Variants in CALHM2 observed in about 807,000 individuals in gnomAD.
CALHM2 encodes the protein calcium homeostasis modulator protein 2.
CALHM2 carries 18 observed loss-of-function variants against 20.4 expected under a neutral mutation model. That is an observed-to-expected ratio of 0.88 (90% CI 0.61 to 1.31). The LOEUF is 1.31. Among genes scored for constraint, CALHM2 ranks in the 50% most tolerant of loss-of-function variants. The pLI is 0.00. For synonymous variants in CALHM2, 193 were observed against 192.1 expected, an observed-to-expected ratio of 1.00 and a Z score of -0.04; for missense variants, 411 against 435.7, an observed-to-expected ratio of 0.94 and a Z score of 0.50.
chr10:103,449,720 G>A lies in CALHM2; in HGVS notation c.222C>T (p.Ile74=). 1 of 1,613,724 alleles carries A rather than the reference G, an allele frequency of 6.2e-7. No homozygotes were observed. Among genetic ancestry groups the A allele is most frequent in the Non-Finnish European group, 8.5e-7 (1 of 1,180,038 alleles). The change falls in exon 3 of 4, where the codon ATC becomes ATT. Residue 74 remains isoleucine, a synonymous_variant. Transcript: ENST00000260743. ...PALVLFIIGI[I]LNNHTWNLVA... is the part of the protein sequence containing the mutation. The stretch of plus-strand genomic sequence containing the variant: ...CGAGGTTCCAGGTGTGGTTGTTGAG[G>A]ATGATGCCAATGATGAAGAGCACCA...
Position 103,449,553 on chromosome 10 carries a change from C to T in CALHM2, c.389G>A (p.Cys130Tyr), listed in dbSNP as rs772905151. 1.6e-5 allele frequency: 26 copies of T among 1,613,700 alleles called. No homozygotes were observed. The East Asian group carries it at 2.9e-4, about 18-fold the overall frequency. Residue 130 changes from cysteine (C) to tyrosine (Y), a missense_variant, in exon 3 of 4, where the codon TGT (cysteine) becomes TAT (tyrosine). Transcript: ENST00000260743. ...AGGGTCCACGAACTCACTGAGAGCA[C>T]AGACATAAGCCTCACCACGCAGCAG... ...ISLLRGEAYV[C>Y]ALSEFVDPSS...
Position 103,447,423 on chromosome 10 carries a change from G to A in CALHM2, c.701C>T (p.Thr234Met), listed in dbSNP as rs759950369. The A allele has an allele frequency of 2.2e-5, 35 of 1,614,062 alleles. No homozygotes were observed. Among genetic ancestry groups the A allele is most frequent in the Admixed American group, 3.3e-5 (2 of 60,010 alleles). The change falls in exon 4 of 4, where the codon ACG (threonine) becomes ATG (methionine). Residue 234 changes from threonine to methionine, a missense_variant. Coordinates refer to ENST00000260743, the MANE Select transcript of CALHM2 (RefSeq NM_015916.5). ...GAGCACCCGAGAGTGCACCTCGGCC[G>A]TGCGCTGGAACAGCTGGTCCTCATT... ...RANEDQLFQRTAEVHSRVLAA... is the reference protein window; with the variant it reads ...RANEDQLFQRMAEVHSRVLAA...
Position 103,450,015 on chromosome 10 carries a change from T to G in CALHM2, c.-74A>C. 7.2e-7 allele frequency: 1 copy of G among 1,394,748 alleles called. No individual in the cohort carries two copies. Among genetic ancestry groups the G allele is most frequent in the South Asian group, 1.3e-5 (1 of 78,944 alleles). The allele number at this position is 1,394,748 out of a possible 1,614,324, so 86.4% of individuals were successfully genotyped here. On this transcript the variant is annotated 5_prime_UTR_variant, in exon 3 of 4. Coordinates refer to ENST00000260743, the MANE Select transcript of CALHM2 (RefSeq NM_015916.5). The stretch of plus-strand genomic sequence containing the variant: ...CGGGATTGATGGTTGCTGGTGGTAC[T>G]AGGAAGGGGCACAGGCTGGGAGGCG...
Position 103,449,695 on chromosome 10 carries a change from C to A in CALHM2, c.247G>T (p.Val83Leu), listed in dbSNP as rs542135779. The change falls in exon 3 of 4, where the codon GTG becomes TTG. Residue 83 changes from valine (V) to leucine (L), a missense_variant. Val to Leu is a conservative substitution (Grantham distance 32, BLOSUM62 1). Coordinates refer to ENST00000260743, the MANE Select transcript of CALHM2 (RefSeq NM_015916.5). ...IILNNHTWNLVAECQHRRTKN... is the reference protein window; with the variant it reads ...IILNNHTWNLLAECQHRRTKN... ...GTCCTCCGGTGCTGGCACTCGGCCA[C>A]GAGGTTCCAGGTGTGGTTGTTGAGG... 6.2e-7 allele frequency: 1 copy of A among 1,613,768 alleles called. No individual in the cohort carries two copies. Among genetic ancestry groups the A allele is most frequent in the East Asian group, 2.2e-5 (1 of 44,882 alleles).
rs1257856544 is a variant in CALHM2 at position 103,451,296 on chromosome 10, G to C, written c.-361-11C>G. 1 of 152,496 alleles carries C rather than the reference G, an allele frequency of 6.6e-6. No individual in the cohort carries two copies. The highest frequency in any genetic ancestry group is 1.5e-5 in the Non-Finnish European group (1 of 68,234). 9.4% of individuals were successfully genotyped at this position (152,496 alleles called of 1,614,324 possible). On this transcript the variant is annotated splice_polypyrimidine_tract_variant and intron_variant, in intron 1 of 3. Coordinates refer to ENST00000260743, the MANE Select transcript of CALHM2 (RefSeq NM_015916.5). ...AGCGACGCTGGCAACCTGCCGGGAAGTGGCCATGGCCTCGGGCAACAGCGA... is the reference window on the plus strand; with the variant it reads ...AGCGACGCTGGCAACCTGCCGGGAACTGGCCATGGCCTCGGGCAACAGCGA...
chr10:103,449,848 T>G lies in CALHM2; in HGVS notation c.94A>C (p.Thr32Pro), dbSNP rs1455582356. The change falls in exon 3 of 4, where the codon ACG becomes CCG. Residue 32 changes from threonine (T) to proline (P), a missense_variant. Thr to Pro is a conservative substitution (Grantham distance 38, BLOSUM62 -1). Coordinates refer to ENST00000260743, the MANE Select transcript of CALHM2 (RefSeq NM_015916.5). ...GAGAACAGCTCCTGGCTGCCCACCG[T>G]GCCCAGTGCCACCAGGCCGTTGAAA... Reference protein sequence around the residue: ...MIFNGLVALGTVGSQELFSVV... With the variant: ...MIFNGLVALGPVGSQELFSVV... The G allele has an allele frequency of 6.2e-7, 1 of 1,612,874 alleles. No individual in the cohort carries two copies. The highest frequency in any genetic ancestry group is 8.5e-7 in the Non-Finnish European group (1 of 1,179,942).
Position 103,449,395 on chromosome 10 carries a change from C to G in CALHM2, c.547G>C (p.Glu183Gln). Residue 183 changes from glutamate to glutamine, a missense_variant, in exon 3 of 4, where the codon GAG (glutamate) becomes CAG (glutamine). Glu to Gln is a conservative substitution (Grantham distance 29). Transcript: ENST00000260743. ...TTTGCACAGCTCCTTACCTGGGACT[C>G]ATACCTGAGCCTGCGGCTGACCTCC... ...REEVSRRLRY[E>Q]SQLFGWLLIG... The G allele has an allele frequency of 6.2e-7, 1 of 1,612,664 alleles. No individual in the cohort carries two copies. The highest frequency in any genetic ancestry group is 1.1e-5 in the South Asian group (1 of 91,012).
Position 103,449,537 on chromosome 10 carries a change from G to A in CALHM2, c.405C>T (p.Phe135=), listed in dbSNP as rs775030084. ...GEAYVCALSE[F]VDPSSLTARE... is the part of the protein sequence containing the mutation. ...TGGCCGTGAGTGAGGAAGGGTCCAC[G>A]AACTCACTGAGAGCACAGACATAAG... is the stretch of plus-strand genomic sequence containing the variant. The change falls in exon 3 of 4, where the codon TTC becomes TTT. Residue 135 remains phenylalanine (F), a synonymous_variant. Transcript: ENST00000260743. 3.7e-6 allele frequency: 6 copies of A among 1,613,578 alleles called. No individual in the cohort carries two copies. The highest frequency in any genetic ancestry group is 2.2e-5 in the East Asian group (1 of 44,904).
intron 3 of CALHM2, among the ~76,000 whole-genome samples, chr10:103,448,292 G>A (rs1319966937): frequency 1.3e-5 from 2 of 151,438 alleles, no homozygotes; most frequent in African/African-American, 4.8e-5. Flanking sequence ...GATTACAGGT[G>A]CCCACCACCA....
Position 103,449,436 on chromosome 10 carries a change from A to G in CALHM2, c.506T>C (p.Leu169Pro), listed in dbSNP as rs779385815. The G allele has an allele frequency of 2.1e-5, 34 of 1,613,148 alleles. 1 individual carries two copies. The highest frequency in any genetic ancestry group is 1.5e-4 in the South Asian group (14 of 91,090). The change falls in exon 3 of 4, where the codon CTG (leucine) becomes CCG (proline). Residue 169 changes from leucine to proline, a missense_variant. Leu to Pro is a moderately conservative substitution (Grantham distance 98, BLOSUM62 -3). Transcript: ENST00000260743. The stretch of plus-strand genomic sequence containing the variant: ...GCTGACCTCCTCCCGGAAGTCTGAC[A>G]GGTTGTCAGGGTTCTCCTTGCAGGG... ...RFPCKENPDN[L>P]SDFREEVSRR...
chr10:103,447,231 C>T lies in CALHM2; in HGVS notation c.893G>A (p.Arg298His), dbSNP rs747647246. Residue 298 changes from arginine to histidine, a missense_variant, in exon 4 of 4, where the codon CGC becomes CAC. Coordinates refer to ENST00000260743, the MANE Select transcript of CALHM2 (RefSeq NM_015916.5). ...CAGACCCTGGGCCCACTTGTGCAGG[C>T]GGCTGTAGAGTGGGAGGCCCTGGTT... ...RENQGLPLYSRLHKWAQGLAG... is the reference protein window; with the variant it reads ...RENQGLPLYSHLHKWAQGLAG... 49 of 1,614,040 alleles carry T rather than the reference C, an allele frequency of 3.0e-5. No individual in the cohort carries two copies. Among genetic ancestry groups the T allele is most frequent in the South Asian group, 2.1e-4 (19 of 91,088 alleles).
Position 103,449,712 on chromosome 10 carries a change from T to G in CALHM2, c.230A>C (p.Asn77Thr). The G allele has an allele frequency of 6.2e-7, 1 of 1,613,120 alleles. No individual in the cohort carries two copies. Residue 77 changes from asparagine to threonine, a missense_variant, in exon 3 of 4, where the codon AAC becomes ACC. Physicochemically the swap from Asn to Thr is moderately conservative, Grantham distance 65. Transcript: ENST00000260743. The stretch of plus-strand genomic sequence containing the variant: ...CTCGGCCACGAGGTTCCAGGTGTGG[T>G]TGTTGAGGATGATGCCAATGATGAA... ...VLFIIGIILN[N>T]HTWNLVAECQ...
Position 103,449,741 on chromosome 10 carries a change from C to G in CALHM2, c.201G>C (p.Val67=). Residue 67 remains valine (V), a synonymous_variant, in exon 3 of 4, where the codon GTG becomes GTC. Transcript: ENST00000260743. ...TGAGGATGATGCCAATGATGAAGAG[C>G]ACCAGGGCGGGCACGCCGATGGCCG... ...GLAAIGVPAL[V]LFIIGIILNN... is the part of the protein sequence containing the mutation. 1 of 1,613,554 alleles carries G rather than the reference C, an allele frequency of 6.2e-7. No individual in the cohort carries two copies. Among genetic ancestry groups the G allele is most frequent in the Non-Finnish European group, 8.5e-7 (1 of 1,180,034 alleles).
At chr10:103,451,608 G>A in intron 1 of CALHM2, 1 of 155,332 alleles carries the variant, frequency 6.4e-6, no homozygotes, top group Non-Finnish European at 1.4e-5. Flanking sequence ...TCCAAGAAAA[G>A]GAGAAGCTGG....
chr10:103,449,271 C>T (rs1292540022), intron 3 of CALHM2, 116 bp downstream of exon 3: 4 of 894,196 alleles, frequency 4.5e-6, no homozygotes, highest in Admixed American at 1.7e-5. Flanking sequence ...AACGCTAGTG[C>T]TTTCCCACAG....
chr10:103,449,961 T>A lies in CALHM2; in HGVS notation c.-20A>T. ...TGCCATGGCGATAGTCGTGGCGGGGTGGATTGCAGGAGAGGAGGCAGGAGG... is the reference window on the plus strand; with the variant it reads ...TGCCATGGCGATAGTCGTGGCGGGGAGGATTGCAGGAGAGGAGGCAGGAGG... On this transcript the variant is annotated 5_prime_UTR_variant, in exon 3 of 4. Coordinates refer to ENST00000260743, the MANE Select transcript of CALHM2 (RefSeq NM_015916.5). 6.3e-7 allele frequency: 1 copy of A among 1,595,686 alleles called. No individual in the cohort carries two copies. Among genetic ancestry groups the A allele is most frequent in the Non-Finnish European group, 8.5e-7 (1 of 1,170,032 alleles).
chr10:103,449,203 T>C lies in CALHM2; in HGVS notation c.555+184A>G. 3.1e-6 allele frequency: 2 copies of C among 640,558 alleles called. No homozygotes were observed. The highest frequency in any genetic ancestry group is 5.3e-5 in the East Asian group (2 of 37,872). 39.7% of individuals were successfully genotyped at this position (640,558 alleles called of 1,614,324 possible). The stretch of plus-strand genomic sequence containing the variant: ...AAAAAAAATTGATAAAACTGTCTTA[T>C]TTGTGTCTGGAACTGGCCCTTGCCC... On this transcript the variant is annotated intron_variant, in intron 3 of 3. Coordinates refer to ENST00000260743, the MANE Select transcript of CALHM2 (RefSeq NM_015916.5).
At chr10:103,448,384 T>A (rs1395658119) in intron 3 of CALHM2, among the ~76,000 whole-genome samples, 1 of 151,496 alleles carries the variant, frequency 6.6e-6, no homozygotes, top group Non-Finnish European at 1.5e-5. Flanking sequence ...TGACCTCCAG[T>A]GATCCACCCG....
chr10:103,452,084 T>C (rs994347100), intron 1 of CALHM2, 72 bp downstream of exon 1: 2 of 152,336 alleles, frequency 1.3e-5, no homozygotes, highest in African/African-American at 4.8e-5. Context: ...TCTCTCCCTC[T>C]GGGCAGCGTG....
Sources: gnomAD v4.1 joint callset for allele counts (sites outside exome capture counted in the v4.1 genomes callset) on GRCh38, gnomAD v4.1.1 for gene constraint, MANE v1.5 for transcripts, NCBI Gene and HGNC (gene_info 2026-07-23, HGNC 2026-07-21) for gene names.